Variants in OLFM2 observed in about 807,000 individuals in gnomAD.
OLFM2 encodes noelin-2.
In OLFM2, 20 loss-of-function variants were observed where a neutral mutation model predicts 43.9. That is an observed-to-expected ratio of 0.46 (90% confidence interval 0.32 to 0.66). The LOEUF (loss-of-function observed/expected upper bound fraction) is 0.66. OLFM2 is among the 30% of genes least tolerant of loss of function. The pLI, the probability that OLFM2 is intolerant of heterozygous loss-of-function variation, is 0.04. For synonymous variants in OLFM2, 268 were observed against 278.6 expected, an observed-to-expected ratio of 0.96 and a Z score of 0.38; for missense variants, 416 against 643.6, an observed-to-expected ratio of 0.65 and a Z score of 3.83.
chr19:9,905,434 G>T (rs541523753), intron 1 of OLFM2, among the ~76,000 whole-genome samples: 331 of 152,018 alleles, frequency 2.2e-3, no homozygotes, highest in Non-Finnish European at 2.9e-3. Flanking sequence ...TCCAGCCTGG[G>T]CAACAGAGCG....
At chr19:9,882,631 G>A (rs2046548913) in intron 1 of OLFM2, among the ~76,000 whole-genome samples, 1 of 150,254 alleles carries the variant, frequency 6.7e-6, no homozygotes, top group South Asian at 2.1e-4. Flanking sequence ...GTGGTCAGGG[G>A]CTGGGCGGTG....
intron 1 of OLFM2, among the ~76,000 whole-genome samples, chr19:9,929,985 G>C (rs2145011201): frequency 6.6e-6 from 1 of 152,262 alleles, no homozygotes; most frequent in East Asian, 1.9e-4. Flanking sequence ...GTTGCGGTGA[G>C]CCGAGATCGC....
intron 1 of OLFM2, among the ~76,000 whole-genome samples, chr19:9,910,832 T>G (rs1330700992): frequency 1.3e-5 from 2 of 151,784 alleles, no homozygotes; most frequent in Admixed American, 1.3e-4. Flanking sequence ...AGGATGGATG[T>G]ACAGATGGAT....
chr19:9,912,838 G>A (rs536166203), intron 1 of OLFM2, among the ~76,000 whole-genome samples: 17 of 151,936 alleles, frequency 1.1e-4, no homozygotes, highest in Non-Finnish European at 1.9e-4. Context: ...GGCAAGAATG[G>A]CGGAAGGGGT....
At chr19:9,892,957 A>G (rs1184425439) in intron 1 of OLFM2, among the ~76,000 whole-genome samples, 1 of 152,074 alleles carries the variant, frequency 6.6e-6, no homozygotes, top group African/African-American at 2.4e-5. Flanking sequence ...ACTCTGGTCT[A>G]TCTCAGTACT....
At chr19:9,878,757 A>T (rs2046513870) in intron 1 of OLFM2, among the ~76,000 whole-genome samples, 1 of 152,188 alleles carries the variant, frequency 6.6e-6, no homozygotes, top group Non-Finnish European at 1.5e-5. Flanking sequence ...AGAAAGAAAA[A>T]GGAAGAGGCA....
At chr19:9,907,460 A>G (rs140038723) in intron 1 of OLFM2, among the ~76,000 whole-genome samples, 266 of 151,906 alleles carry the variant, frequency 1.8e-3, no homozygotes, top group African/African-American at 6.0e-3. Flanking sequence ...ATTCTATCTC[A>G]AAATAAATGA....
In OLFM2 at chr19:9,854,828, C is replaced by T. The variant is rs771421319; in HGVS notation, c.723G>A (p.Arg241=). 2 of 1,601,540 alleles carry T rather than the reference C, an allele frequency of 1.2e-6. No homozygotes were observed. Among genetic ancestry groups the T allele is most frequent in the Non-Finnish European group, 1.7e-6 (2 of 1,171,862 alleles). ...WYMDGYYKGR[R]VLEFRTLGDF... ...CTCCCAGGGTACGGAACTCCAGGAC[C>T]CGGCGGCCTTTGTAATAGCCATCCA... The change falls in exon 6 of 6, where the codon CGG becomes CGA. Residue 241 remains arginine, a synonymous_variant. Transcript: ENST00000264833. This position sits in a 1 kb window ranked among gnomAD's most constrained non-coding sequence, Gnocchi z 9.5.
At chr19:9,902,080 G>A (rs567405578) in intron 1 of OLFM2, among the ~76,000 whole-genome samples, 32 of 152,184 alleles carry the variant, frequency 2.1e-4, no homozygotes, top group South Asian at 6.2e-4. Flanking sequence ...CCAGGCTGGA[G>A]TGCAGTGGCG....
intron 1 of OLFM2, chr19:9,913,830 A>T (rs2046851535): frequency 3.4e-6 from 1 of 294,976 alleles, no homozygotes; most frequent in South Asian, 1.3e-4. Context: ...CCTCTTATAA[A>T]GCGCCGGCTC....
chr19:9,879,705 TAA>T (rs547294111), intron 1 of OLFM2, among the ~76,000 whole-genome samples: 2 of 152,272 alleles, frequency 1.3e-5, no homozygotes, highest in South Asian at 2.1e-4. Context: ...CACGCCTGGC[TAA>T]GTTTTTTAAT....
chr19:9,917,752 C>T (rs1174874277), intron 1 of OLFM2, among the ~76,000 whole-genome samples: 2 of 151,252 alleles, frequency 1.3e-5, no homozygotes, highest in Non-Finnish European at 2.9e-5. Flanking sequence ...CTCTGAAACA[C>T]GTAGTTTGTT....
chr19:9,898,734 C>T (rs1053649692), intron 1 of OLFM2, among the ~76,000 whole-genome samples: 3 of 152,112 alleles, frequency 2.0e-5, no homozygotes, highest in African/African-American at 7.2e-5. Context: ...TTTCTGTGTT[C>T]CTCTCTTCCC....
chr19:9,905,481 T>C (rs1351698953), intron 1 of OLFM2, among the ~76,000 whole-genome samples: 1 of 148,662 alleles, frequency 6.7e-6, no homozygotes, highest in Non-Finnish European at 1.5e-5. Context: ...TAAAATAAAA[T>C]ACAAAAAAAA....
At chr19:9,862,964 G>C (rs1156533522) in intron 1 of OLFM2, among the ~76,000 whole-genome samples, 1 of 145,148 alleles carries the variant, frequency 6.9e-6, no homozygotes, top group Non-Finnish European at 1.5e-5. Flanking sequence ...ACTCCAGCCT[G>C]GGCAAAAGAG....
rs570518834 is a variant in OLFM2, at chr19:9,857,737, G to T, written c.338C>A (p.Ser113Tyr). 2 of 1,614,134 alleles carry T rather than the reference G, an allele frequency of 1.2e-6. No homozygotes were observed. The highest frequency in any genetic ancestry group is 1.1e-5 in the South Asian group (1 of 91,078). The change falls in exon 3 of 6, where the codon TCC becomes TAC. Residue 113 changes from serine to tyrosine, a missense_variant. Coordinates refer to ENST00000264833, the MANE Select transcript of OLFM2 (RefSeq NM_058164.4). The surrounding 1 kb of genome is among the most constrained non-coding windows in gnomAD (Gnocchi z 5.7). The part of the protein sequence containing the change: ...LDARLRAADG[S>Y]LSAKSFQELK... ...CACCTGGAAGCTCTTGGCCGAGAGG[G>T]ACCCATCAGCTGCCCGGAGCCGCGC...
Position 9,853,763 on chromosome 19 carries a change from AGT to A in OLFM2, c.*421_*422del. The A allele has an allele frequency of 2.7e-6, 1 of 370,072 alleles. No individual in the cohort carries two copies. The highest frequency in any genetic ancestry group is 9.4e-5 in the South Asian group (1 of 10,688). 22.9% of individuals were successfully genotyped at this position (370,072 alleles called of 1,614,324 possible). A position where few individuals can be genotyped will look rare whatever the true frequency, so the allele number is the denominator to read the frequency against. ...TTATTCCGGCAAACCGGAAAGAAAA[AGT>A]GTAAATAAAAAAAGAAACAGATCCA... On this transcript the variant is annotated 3_prime_UTR_variant, in exon 6 of 6. Coordinates refer to ENST00000264833, the MANE Select transcript of OLFM2 (RefSeq NM_058164.4).
intron 1 of OLFM2, among the ~76,000 whole-genome samples, chr19:9,917,711 C>T (rs554167592): frequency 1.4e-4 from 22 of 151,866 alleles, no homozygotes; most frequent in Admixed American, 1.2e-3. Context: ...TCTTCTCCCA[C>T]TTAACCAATT....
At chr19:9,893,791 G>A (rs1352775704) in intron 1 of OLFM2, among the ~76,000 whole-genome samples, 1 of 152,154 alleles carries the variant, frequency 6.6e-6, no homozygotes, top group East Asian at 1.9e-4. Flanking sequence ...CATTAAAGCA[G>A]AGTTCGCAGG....
Sources: allele counts gnomAD v4.1 joint callset (sites outside exome capture counted in the v4.1 genomes callset), GRCh38; gene constraint gnomAD v4.1.1; non-coding constraint Gnocchi (gnomAD v3.1); transcripts MANE v1.5; gene names NCBI Gene and HGNC (gene_info 2026-07-23, HGNC 2026-07-21).